The following ASTN2 variants were observed in gnomAD, a reference collection of about 807,000 sequenced individuals.
The protein encoded by ASTN2 is astrotactin-2.
A neutral mutation model predicts 139.8 loss-of-function variants in ASTN2; 54 were observed. The observed-to-expected ratio is 0.39, with a 90% CI of 0.31 to 0.48. The LOEUF is 0.48. Ranked by LOEUF, ASTN2 falls within the 20% of genes least tolerant of loss-of-function variation. The pLI is 0.95. For synonymous variants in ASTN2, 756 were observed against 719.5 expected (o/e 1.05, Z -0.81); for missense variants, 1,565 against 1,725.1 (o/e 0.91, Z 1.64).
At chr9:117,110,238 G>A (rs1829216781) in intron 4 of ASTN2, among the ~76,000 whole-genome samples, 1 of 152,110 alleles carries the variant, frequency 6.6e-6, no homozygotes, top group Non-Finnish European at 1.5e-5. Flanking sequence ...CTTTTGGGAA[G>A]CAATTTGGCA....
chr9:117,214,469 G>A lies in ASTN2; in HGVS notation c.904C>T (p.Pro302Ser), dbSNP rs1832243866. Residue 302 changes from proline to serine, a missense_variant, in exon 3 of 23, where the codon CCT becomes TCT. This residue lies in a region of ASTN2 where 596 missense variants were observed against 576.8 expected (regional missense o/e 1.03). Coordinates refer to ENST00000313400, the MANE Select transcript of ASTN2 (RefSeq NM_001365068.1). ...CGGGAGACATGGTTGGCCCGCCTAG[G>A]TGGCTCCTCATCCTCCTCACAGTCA... ...DYDCEEDEEP[P>S]RRANHVSRED... is the part of the protein sequence containing the mutation. The A allele has an allele frequency of 1.6e-5, 26 of 1,614,180 alleles. No individual in the cohort carries two copies. Among genetic ancestry groups the A allele is most frequent in the Non-Finnish European group, 2.1e-5 (25 of 1,180,040 alleles).
chr9:116,634,589 C>CAAAAAAA (rs57882262), intron 17 of ASTN2, among the ~76,000 whole-genome samples: 7 of 104,212 alleles, frequency 6.7e-5, no homozygotes, highest in African/African-American at 1.2e-4. Context: ...GACTCCGTCT[C>CAAAAAAA]AAAAAAAAAA....
At chr9:116,551,010 G>C (rs377638072) in intron 19 of ASTN2, 2 of 152,286 alleles carry the variant, frequency 1.3e-5, no homozygotes, top group South Asian at 4.1e-4. Flanking sequence ...GGAGCCAGGA[G>C]AGAAGGGGCA....
chr9:116,603,794 T>C (rs1315479573), intron 19 of ASTN2, among the ~76,000 whole-genome samples: 1 of 152,156 alleles, frequency 6.6e-6, no homozygotes, highest in Non-Finnish European at 1.5e-5. Flanking sequence ...GATTTTCTTC[T>C]CTTGGCGTCT....
At chr9:117,173,874 T>C (rs1588041256) in intron 3 of ASTN2, among the ~76,000 whole-genome samples, 1 of 151,784 alleles carries the variant, frequency 6.6e-6, no homozygotes, top group South Asian at 2.1e-4. Flanking sequence ...AGAGAAATAA[T>C]ATAGAATATC....
intron 2 of ASTN2, among the ~76,000 whole-genome samples, chr9:117,263,000 C>G (rs140909893): frequency 6.6e-6 from 1 of 152,228 alleles, no homozygotes; most frequent in East Asian, 1.9e-4. Context: ...GTTGCTGACA[C>G]CTTGGTTTTA....
intron 19 of ASTN2, among the ~76,000 whole-genome samples, chr9:116,563,445 G>T (rs1432403666): frequency 6.6e-6 from 1 of 151,990 alleles, no homozygotes; most frequent in Non-Finnish European, 1.5e-5. Context: ...AGCAAGGAAA[G>T]AATTTGCAAT....
chr9:116,470,382 C>G (rs1438104529), intron 20 of ASTN2, among the ~76,000 whole-genome samples: 1 of 152,022 alleles, frequency 6.6e-6, no homozygotes, highest in Non-Finnish European at 1.5e-5. Context: ...GATGCTGGAT[C>G]AGTTAATAAC....
At chr9:117,264,664 T>G (rs1011354547) in intron 2 of ASTN2, among the ~76,000 whole-genome samples, 1 of 152,170 alleles carries the variant, frequency 6.6e-6, no homozygotes, top group Non-Finnish European at 1.5e-5. Flanking sequence ...AAAACACAAC[T>G]GGTCTTCCCC....
chr9:116,979,195 T>C (rs1836439696), intron 7 of ASTN2, among the ~76,000 whole-genome samples: 1 of 152,106 alleles, frequency 6.6e-6, no homozygotes, highest in South Asian at 2.1e-4. Flanking sequence ...TGAACAAAAA[T>C]GGTAGTAAGA....
rs375904773 is a variant in ASTN2, at chr9:116,857,153, G to A, written c.2040+6430C>T. Reference sequence around the variant, plus strand: ...TAAAAGAAGCAAAGCACTTAGAACCGTGCTTGGAACAGTCTTTGTATGGAT... The same window carrying A: ...TAAAAGAAGCAAAGCACTTAGAACCATGCTTGGAACAGTCTTTGTATGGAT... On this transcript the variant is annotated intron_variant, in intron 11 of 22. Coordinates refer to ENST00000313400, the MANE Select transcript of ASTN2 (RefSeq NM_001365068.1). Among the ~76,000 whole-genome samples, 12 of 152,308 alleles carry A rather than the reference G, an allele frequency of 7.9e-5. No homozygotes were observed. In the East Asian group the frequency reaches 9.6e-4, roughly 12 times the overall value.
intron 1 of ASTN2, among the ~76,000 whole-genome samples, chr9:117,319,576 T>C (rs978246606): frequency 1.3e-5 from 2 of 149,986 alleles, no homozygotes; most frequent in African/African-American, 4.9e-5. Context: ...TACAGTCACA[T>C]GCCATCATGC....
At chr9:116,618,812 G>C (rs967171730) in intron 18 of ASTN2, among the ~76,000 whole-genome samples, 7 of 152,130 alleles carry the variant, frequency 4.6e-5, no homozygotes, top group African/African-American at 1.7e-4. Flanking sequence ...TAAATTGGCA[G>C]TGCCTTCAAA....
At chr9:116,512,805 T>C (rs902131390) in intron 19 of ASTN2, among the ~76,000 whole-genome samples, 6 of 152,212 alleles carry the variant, frequency 3.9e-5, no homozygotes, top group Admixed American at 3.9e-4. Flanking sequence ...ATCTCTTTTA[T>C]CAGAGTCTAG....
At chr9:116,490,491 G>A (rs796329317) in intron 19 of ASTN2, among the ~76,000 whole-genome samples, 6 of 152,140 alleles carry the variant, frequency 3.9e-5, no homozygotes, top group African/African-American at 1.2e-4. Flanking sequence ...CAATGAGAGA[G>A]CTGGATCTTC....
intron 19 of ASTN2, among the ~76,000 whole-genome samples, chr9:116,501,317 A>T (rs1849846463): frequency 6.6e-6 from 1 of 152,220 alleles, no homozygotes; most frequent in Non-Finnish European, 1.5e-5. Context: ...ATGCCTGCAT[A>T]GTATTCCATG....
intron 1 of ASTN2, among the ~76,000 whole-genome samples, chr9:117,315,193 A>G (rs1242089617): frequency 6.6e-6 from 1 of 152,124 alleles, no homozygotes; most frequent in Non-Finnish European, 1.5e-5. Context: ...CAGATGTTTC[A>G]TGAACTTTAA....
At chr9:116,513,272 C>T (rs935292190) in intron 19 of ASTN2, among the ~76,000 whole-genome samples, 4 of 152,112 alleles carry the variant, frequency 2.6e-5, no homozygotes, top group African/African-American at 9.7e-5. Context: ...CTTAGTTTCG[C>T]TGGATATGAA....
intron 7 of ASTN2, among the ~76,000 whole-genome samples, chr9:116,999,748 C>CA (rs1837140658): frequency 6.6e-6 from 1 of 151,724 alleles, no homozygotes; most frequent in Non-Finnish European, 1.5e-5. Context: ...TTAGTAGAGA[C>CA]AGAGTTTCAC....
Sources: allele counts gnomAD v4.1 joint callset (sites outside exome capture counted in the v4.1 genomes callset), GRCh38; gene constraint gnomAD v4.1.1; regional missense constraint gnomAD v4.1.1; transcripts MANE v1.5; gene names NCBI Gene and HGNC (gene_info 2026-07-23, HGNC 2026-07-21).